PDE8B: variants seen among roughly 807,000 people sequenced by gnomAD.
PDE8B encodes high affinity cAMP-specific and IBMX-insensitive 3',5'-cyclic phosphodiesterase 8B.
In PDE8B, 26 loss-of-function variants were observed where a neutral mutation model predicts 101.3. The observed-to-expected ratio is 0.26, with a 90% confidence interval of 0.19 to 0.36. The LOEUF (loss-of-function observed/expected upper bound fraction) is 0.36. PDE8B is among the 10% of genes least tolerant of loss of function. PDE8B has a pLI of 1.00. For synonymous variants in PDE8B, 424 were observed against 429.3 expected, an observed-to-expected ratio of 0.99 and a Z score of 0.15; for missense variants, 810 against 1,163.1, an observed-to-expected ratio of 0.70 and a Z score of 4.42.
chr5:77,416,925 G>A (rs779518069), intron 17 of PDE8B, among the ~76,000 whole-genome samples: 5 of 152,072 alleles, frequency 3.3e-5, no homozygotes, highest in Non-Finnish European at 5.9e-5. Flanking sequence ...TGTCGCTTAC[G>A]TTTCCTGAAC....
intron 1 of PDE8B, among the ~76,000 whole-genome samples, chr5:77,295,632 T>A (rs1230123309): frequency 1.3e-5 from 2 of 152,218 alleles, no homozygotes; most frequent in Non-Finnish European, 2.9e-5. Context: ...TATCATCAGA[T>A]CTCTCTAATA....
Position 77,333,668 on chromosome 5 carries a change from T to A in PDE8B, c.708+2209T>A, listed in dbSNP as rs1446793081. Among the ~76,000 whole-genome samples, 4 of 152,248 alleles carry A rather than the reference T, an allele frequency of 2.6e-5. No individual in the cohort carries two copies. The Middle Eastern group carries it at 9.5e-3, about 361-fold the overall frequency. On this transcript the variant is annotated intron_variant, in intron 5 of 21. Coordinates refer to ENST00000264917, the MANE Select transcript of PDE8B (RefSeq NM_003719.5). ...GCTGCCATCTGAAGCGATAGCATCTTGTCTGGAAGGCTGAGATTGCACATC... is the reference window on the plus strand; with the variant it reads ...GCTGCCATCTGAAGCGATAGCATCTAGTCTGGAAGGCTGAGATTGCACATC...
In PDE8B at chr5:77,351,086, G is replaced by A. The variant is rs1354442212; in HGVS notation, c.1039G>A (p.Ala347Thr). Residue 347 changes from alanine to threonine, a missense_variant, in exon 9 of 22, where the codon GCC becomes ACC. This residue lies in a region of PDE8B where 251 missense variants were observed against 378.8 expected (regional missense o/e 0.66). Transcript: ENST00000264917. ...GTAGGAGTGGCAGGGGGTTTACTATGCCAGACGGAAATCCGGGGACAGCAT... is the reference window on the plus strand; with the variant it reads ...GTAGGAGTGGCAGGGGGTTTACTATACCAGACGGAAATCCGGGGACAGCAT... ...KGKEWQGVYY[A>T]RRKSGDSIQQ... is the part of the protein sequence containing the mutation. 1 of 1,613,916 alleles carries A rather than the reference G, an allele frequency of 6.2e-7. No homozygotes were observed. The highest frequency in any genetic ancestry group is 1.7e-5 in the Admixed American group (1 of 60,008).
chr5:77,161,013 ATCT>A, the PDE8B span, among the ~76,000 whole-genome samples: 4 of 152,082 alleles, frequency 2.6e-5, no homozygotes, highest in Non-Finnish European at 5.9e-5. Context: ...TGTGTTGCAA[ATCT>A]TCTCAGTTTG....
the PDE8B span, among the ~76,000 whole-genome samples, chr5:77,193,933 A>G: frequency 1.2e-3 from 182 of 152,218 alleles, no homozygotes; most frequent in African/African-American, 3.9e-3. Context: ...TCAATTTCCA[A>G]TGGTTCATTG....
chr5:77,146,797 A>T, the PDE8B span: 1 of 347,056 alleles, frequency 2.9e-6, no homozygotes, highest in East Asian at 7.6e-5. Flanking sequence ...ATGAAAACCT[A>T]TATCCCTCCT....
At chr5:77,147,509 A>G in the PDE8B span, 1 of 152,486 alleles carries the variant, frequency 6.6e-6, no homozygotes, top group African/African-American at 2.4e-5. Flanking sequence ...ATATGAAATA[A>G]TTGTTGTTTT....
intron 1 of PDE8B, among the ~76,000 whole-genome samples, chr5:77,303,853 G>A (rs533792292): frequency 4.6e-5 from 7 of 152,226 alleles, no homozygotes; most frequent in South Asian, 2.1e-4. Flanking sequence ...AGATTCATAA[G>A]TTTTAAATGA....
At chr5:77,120,066 G>T in the PDE8B span, among the ~76,000 whole-genome samples, 18 of 152,130 alleles carry the variant, frequency 1.2e-4, no homozygotes, top group East Asian at 3.5e-3. Flanking sequence ...AAAAAACTGT[G>T]GTATGTTCAT....
the PDE8B span, among the ~76,000 whole-genome samples, chr5:77,101,509 TTCACTGAGTC>T: frequency 6.6e-6 from 1 of 152,270 alleles, no homozygotes; most frequent in Admixed American, 6.5e-5. Flanking sequence ...CTCCTACTCA[TTCACTGAGTC>T]ATCACCCTTA....
chr5:77,335,145 A>G (rs1037711717), intron 5 of PDE8B, among the ~76,000 whole-genome samples: 2 of 152,232 alleles, frequency 1.3e-5, no homozygotes, highest in East Asian at 1.9e-4. Flanking sequence ...GTAGGCAGAA[A>G]TAGAAATGAC....
At chr5:77,266,877 T>C (rs886071095) in intron 1 of PDE8B, among the ~76,000 whole-genome samples, 1 of 152,092 alleles carries the variant, frequency 6.6e-6, no homozygotes, top group Non-Finnish European at 1.5e-5. Flanking sequence ...TTTTTTTTTT[T>C]CTGGAGAATT....
At position 77,349,436 on chromosome 5, in the gene PDE8B, C is replaced by T. The variant is rs756833512; in HGVS notation, c.894C>T (p.Phe298=). ...DHVIQYVNPA[F]ERMMGYHKGE... The stretch of plus-strand genomic sequence containing the variant: ...ATTAACAGTATGTCAACCCAGCCTT[C>T]GAAAGGATGATGGGCTACCACAAAG... The change falls in exon 8 of 22, where the codon TTC becomes TTT. Residue 298 remains phenylalanine, a synonymous_variant. Coordinates refer to ENST00000264917, the MANE Select transcript of PDE8B (RefSeq NM_003719.5). The T allele has an allele frequency of 5.0e-6, 8 of 1,614,004 alleles. No homozygotes were observed. The highest frequency in any genetic ancestry group is 4.2e-6 in the Non-Finnish European group (5 of 1,180,028).
chr5:77,109,937 T>TTG, the PDE8B span, among the ~76,000 whole-genome samples: 1 of 114,044 alleles, frequency 8.8e-6, no homozygotes, highest in African/African-American at 3.8e-5. Flanking sequence ...GTTTTTTTTT[T>TTG]TTTTTTTTTT....
chr5:77,103,601 C>G, the PDE8B span, among the ~76,000 whole-genome samples: 1 of 152,196 alleles, frequency 6.6e-6, no homozygotes, highest in Non-Finnish European at 1.5e-5. Context: ...GAGAGGGGAA[C>G]AGAACTCTGT....
chr5:77,304,046 A>G (rs867906270), intron 1 of PDE8B, among the ~76,000 whole-genome samples: 1 of 152,124 alleles, frequency 6.6e-6, no homozygotes, highest in Non-Finnish European at 1.5e-5. Context: ...CTAGAGATAC[A>G]CTCATATAGG....
Position 77,400,260 on chromosome 5 carries a change from C to G in PDE8B, c.1180C>G (p.His394Asp), listed in dbSNP as rs910533052. The G allele has an allele frequency of 3.1e-6, 5 of 1,602,066 alleles. No homozygotes were observed. The African/African-American group carries it at 5.4e-5, about 17-fold the overall frequency. ...TGAACGACTTTAGATTCACAAGATT[C>G]ATCGTGATTCAGGAGACAATTCTCA... ...TDNNKQIHKI[H>D]RDSGDNSQTE... The change falls in exon 11 of 22, where the codon CAT (histidine) becomes GAT (aspartate). Residue 394 changes from histidine (H) to aspartate (D), a missense_variant. His to Asp is a moderately conservative substitution (Grantham distance 81, BLOSUM62 -1). Coordinates refer to ENST00000264917, the MANE Select transcript of PDE8B (RefSeq NM_003719.5).
At chr5:77,215,210 A>C (rs911750831) in intron 1 of PDE8B, among the ~76,000 whole-genome samples, 6 of 152,188 alleles carry the variant, frequency 3.9e-5, no homozygotes, top group African/African-American at 1.4e-4. Flanking sequence ...ACAGGTCCTA[A>C]TGTCTTGCTT....
At chr5:77,162,764 A>G in the PDE8B span, among the ~76,000 whole-genome samples, 1 of 152,192 alleles carries the variant, frequency 6.6e-6, no homozygotes, top group Non-Finnish European at 1.5e-5. Context: ...CAATCTAATA[A>G]TCCGTGGCCC....
Sources: allele counts gnomAD v4.1 joint callset (sites outside exome capture counted in the v4.1 genomes callset), GRCh38; gene constraint gnomAD v4.1.1; regional missense constraint gnomAD v4.1.1; transcripts MANE v1.5; gene names NCBI Gene and HGNC (gene_info 2026-07-23, HGNC 2026-07-21).